ERGIC3: variants seen among roughly 807,000 people sequenced by gnomAD.
The protein encoded by ERGIC3 is ERGIC and golgi 3.
In ERGIC3, 33 loss-of-function variants were observed where a neutral mutation model predicts 54.7. The ratio of observed to expected loss-of-function variants is 0.60; its 90% CI spans 0.46 to 0.81. The LOEUF (loss-of-function observed/expected upper bound fraction) is 0.81, where lower values mean the gene tolerates loss of function less well. Ranked by LOEUF, ERGIC3 falls within the 30% of genes least tolerant of loss-of-function variation. The pLI is 0.00. For synonymous variants in ERGIC3, 186 were observed against 189.8 expected, an observed-to-expected ratio of 0.98 and a Z score of 0.16; for missense variants, 399 against 488.4, an observed-to-expected ratio of 0.82 and a Z score of 1.73.
At position 35,548,694 on chromosome 20, in the gene ERGIC3, C is replaced by T. The variant is rs1285750985; in HGVS notation, c.627+20C>T. Reference sequence around the variant, plus strand: ...AATAAGGTATCAGGAGGGATCAAGACAAGATAGGGCCAGCTGGGCTGGGCA... The same window carrying T: ...AATAAGGTATCAGGAGGGATCAAGATAAGATAGGGCCAGCTGGGCTGGGCA... On this transcript the variant is annotated intron_variant, in intron 6 of 12. Coordinates refer to ENST00000348547, the MANE Select transcript of ERGIC3 (RefSeq NM_015966.3). The T allele has an allele frequency of 1.9e-6, 3 of 1,614,062 alleles. No individual in the cohort carries two copies. Among genetic ancestry groups the T allele is most frequent in the Non-Finnish European group, 2.5e-6 (3 of 1,180,014 alleles).
chr20:35,551,877 A>G (rs2064683856), intron 7 of ERGIC3, among the ~76,000 whole-genome samples: 1 of 152,148 alleles, frequency 6.6e-6, no homozygotes, highest in Admixed American at 6.5e-5. Flanking sequence ...TGGAGCCAGT[A>G]TTGACAGCTC....
At chr20:35,548,946 G>A in intron 7 of ERGIC3, 81 bp downstream of exon 7, 15 of 1,534,968 alleles carry the variant, frequency 9.8e-6, no homozygotes, top group Non-Finnish European at 1.3e-5. Context: ...TCTGCCTGCT[G>A]CTCATTTGTC....
intron 7 of ERGIC3, 160 bp from the exon 8 acceptor site, chr20:35,554,884 C>T: frequency 2.3e-6 from 2 of 859,394 alleles, no homozygotes; most frequent in African/African-American, 3.3e-5. Flanking sequence ...CAAGGCTTGC[C>T]CTTTCTGGCT....
intron 7 of ERGIC3, chr20:35,549,568 A>G (rs901224147): frequency 5.5e-6 from 1 of 181,688 alleles, no homozygotes; most frequent in East Asian, 1.8e-4. Flanking sequence ...ATAGTCCCCA[A>G]TTAACAATGG....
chr20:35,544,174 C>T lies in ERGIC3; in HGVS notation c.367+1233C>T, dbSNP rs192533706. ...GGTTCAAGTGATTCTCCTGCCTCAA[C>T]CTCCCGAGTAGCTGGGATTACAGGC... On this transcript the variant is annotated intron_variant, in intron 4 of 12. Transcript: ENST00000348547. The T allele has an allele frequency of 1.7e-3, 319 of 185,890 alleles. 2 individuals are homozygous for T. The highest frequency in any genetic ancestry group is 0.017 in the Middle Eastern group (7 of 412). The allele number at this position is 185,890 out of a possible 1,614,324, so 11.5% of individuals were successfully genotyped here.
At chr20:35,553,472 G>A (rs377473057) in intron 7 of ERGIC3, among the ~76,000 whole-genome samples, 1 of 152,064 alleles carries the variant, frequency 6.6e-6, no homozygotes, top group South Asian at 2.1e-4. Context: ...GAGGAACCCA[G>A]GGGTTGAAGG....
chr20:35,543,362 C>A, intron 4 of ERGIC3: 1 of 334,410 alleles, frequency 3.0e-6, no homozygotes. Flanking sequence ...GTTCTCAAGT[C>A]AGATTGCCTG....
At chr20:35,553,213 G>T (rs1429402618) in intron 7 of ERGIC3, among the ~76,000 whole-genome samples, 1 of 135,166 alleles carries the variant, frequency 7.4e-6, no homozygotes, top group Admixed American at 7.8e-5. Flanking sequence ...TTGCCATGTT[G>T]CCCAGGCTCC....
At chr20:35,553,449 G>A (rs1459174491) in intron 7 of ERGIC3, among the ~76,000 whole-genome samples, 1 of 152,074 alleles carries the variant, frequency 6.6e-6, no homozygotes, top group Non-Finnish European at 1.5e-5. Flanking sequence ...CCAGGCTGAA[G>A]CAAGAAAGTG....
At chr20:35,556,598 C>A in intron 10 of ERGIC3, 1 of 495,774 alleles carries the variant, frequency 2.0e-6, no homozygotes, top group East Asian at 3.8e-5. Flanking sequence ...GCTCCCAAGG[C>A]TGCCCTGGCC....
Position 35,556,987 on chromosome 20 carries a change from T to C in ERGIC3, c.894T>C (p.Asn298=), listed in dbSNP as rs748048612. ...MKVDGEVLRT[N]QFSVTRHEKV... is the part of the protein sequence containing the mutation. Reference sequence around the variant, plus strand: ...TCCCACCCCAGGTACTGAGGACAAATCAGTTCTCTGTGACCAGACATGAGA... The same window carrying C: ...TCCCACCCCAGGTACTGAGGACAAACCAGTTCTCTGTGACCAGACATGAGA... Residue 298 remains asparagine, a synonymous_variant, in exon 11 of 13, where the codon AAT becomes AAC. Coordinates refer to ENST00000348547, the MANE Select transcript of ERGIC3 (RefSeq NM_015966.3). 146 of 1,614,022 alleles carry C rather than the reference T, an allele frequency of 9.0e-5. No individual in the cohort carries two copies. Among genetic ancestry groups the C allele is most frequent in the Non-Finnish European group, 1.2e-4 (139 of 1,180,016 alleles).
chr20:35,556,425 C>T, intron 10 of ERGIC3, 154 bp downstream of exon 10: 1 of 796,738 alleles, frequency 1.3e-6, no homozygotes, highest in Non-Finnish European at 2.1e-6. Flanking sequence ...ATTTGCCCTC[C>T]CAGGCAGAGT....
chr20:35,542,197 C>T lies in ERGIC3; in HGVS notation c.88+12C>T. On this transcript the variant is annotated intron_variant, in intron 1 of 12. Coordinates refer to ENST00000348547, the MANE Select transcript of ERGIC3 (RefSeq NM_015966.3). ...CGGGGGCGCCACCGGTAGGCCGCAG[C>T]GGGGCCGGGGTCGCGTGGAGGGGGG... 1.3e-6 allele frequency: 2 copies of T among 1,580,980 alleles called. No individual in the cohort carries two copies. The highest frequency in any genetic ancestry group is 1.2e-5 in the South Asian group (1 of 86,386).
chr20:35,549,160 C>G (rs976545100), intron 7 of ERGIC3: 5 of 508,144 alleles, frequency 9.8e-6, no homozygotes, highest in Non-Finnish European at 2.0e-5. Flanking sequence ...ACTTATCTCA[C>G]AGGGTGTGTG....
chr20:35,557,538 C>T lies in ERGIC3; in HGVS notation c.*34C>T, dbSNP rs1317557678. ...GGTGCTTCCTCTGTCTCCTCTTTCT[C>T]CCTGGCCTGTGGTTGTCCCCCAGCC... On this transcript the variant is annotated 3_prime_UTR_variant, in exon 13 of 13. Transcript: ENST00000348547. 1.3e-6 allele frequency: 2 copies of T among 1,598,396 alleles called. No individual in the cohort carries two copies. The highest frequency in any genetic ancestry group is 2.2e-5 in the East Asian group (1 of 44,804).
At position 35,557,532 on chromosome 20, in the gene ERGIC3, CTT is replaced by C; in HGVS notation, c.*30_*31del. The C allele has an allele frequency of 6.2e-7, 1 of 1,604,102 alleles. No individual in the cohort carries two copies. The highest frequency in any genetic ancestry group is 1.3e-5 in the African/African-American group (1 of 74,798). ...ACCCTCGGTGCTTCCTCTGTCTCCT[CTT>C]TCTCCCTGGCCTGTGGTTGTCCCCC... On this transcript the variant is annotated 3_prime_UTR_variant, in exon 13 of 13. Transcript: ENST00000348547.
Position 35,556,068 on chromosome 20 carries a change from T to C in ERGIC3, c.753T>C (p.Phe251=), listed in dbSNP as rs1417006294. Residue 251 remains phenylalanine (F), a synonymous_variant, in exon 9 of 13, where the codon TTT becomes TTC. Coordinates refer to ENST00000348547, the MANE Select transcript of ERGIC3 (RefSeq NM_015966.3). ...CCCACTACATCCAGCACCTGTCATT[T>C]GGGGAGGACTATCCAGGCATTGTGA... is the stretch of plus-strand genomic sequence containing the variant. ...NMTHYIQHLS[F]GEDYPGIVNP... is the part of the protein sequence containing the mutation. The C allele has an allele frequency of 1.2e-6, 2 of 1,614,170 alleles. No homozygotes were observed. The highest frequency in any genetic ancestry group is 1.7e-6 in the Non-Finnish European group (2 of 1,180,014).
chr20:35,548,295 AG>A (rs2064661885), intron 5 of ERGIC3, among the ~76,000 whole-genome samples: 1 of 152,170 alleles, frequency 6.6e-6, no homozygotes, highest in African/African-American at 2.4e-5. Context: ...TGGGCAACAT[AG>A]CAAGACCCTA....
At chr20:35,557,305 C>T (rs1282947033) in intron 12 of ERGIC3, 56 bp downstream of exon 12, 7 of 1,612,138 alleles carry the variant, frequency 4.3e-6, no homozygotes, top group East Asian at 2.2e-5. Flanking sequence ...AGCCTGGGTG[C>T]CCCAGGTTTG....
Sources: gnomAD v4.1 joint callset for allele counts (sites outside exome capture counted in the v4.1 genomes callset) on GRCh38, gnomAD v4.1.1 for gene constraint, MANE v1.5 for transcripts, NCBI Gene and HGNC (gene_info 2026-07-23, HGNC 2026-07-21) for gene names.